Variants in MGMT observed in about 807,000 individuals in gnomAD.
MGMT encodes the protein methylated-DNA--protein-cysteine methyltransferase.
A neutral mutation model predicts 15.9 loss-of-function variants in MGMT; 14 were observed. The observed-to-expected ratio is 0.88, with a 90% CI of 0.58 to 1.37. The LOEUF is 1.37. Among genes scored for constraint, MGMT ranks in the 40% most tolerant of loss-of-function variants. The probability of loss-of-function intolerance (pLI) is 0.00; values close to 1 mark genes in which losing one functional copy is unlikely to be tolerated. For synonymous variants in MGMT, 130 were observed against 118.2 expected (o/e 1.10, Z -0.65); for missense variants, 282 against 268.1 (o/e 1.05, Z -0.36).
chr10:129,604,955 G>A (rs1317736477), intron 2 of MGMT, among the ~76,000 whole-genome samples: 1 of 152,156 alleles, frequency 6.6e-6, no homozygotes, highest in Admixed American at 6.5e-5. Context: ...ACCCTTAAAT[G>A]GGGGCCCCAC....
intron 2 of MGMT, among the ~76,000 whole-genome samples, chr10:129,576,090 G>A (rs893871505): frequency 3.3e-5 from 5 of 152,164 alleles, no homozygotes; most frequent in Admixed American, 2.0e-4. Context: ...ATTCGCAGCC[G>A]AATTCTACCA....
Position 129,759,223 on chromosome 10 carries a change from T to C in MGMT, c.296T>C (p.Leu99Ser), listed in dbSNP as rs747055327. 10 of 1,614,214 alleles carry C rather than the reference T, an allele frequency of 6.2e-6. No individual in the cohort carries two copies. The South Asian group carries it at 1.1e-4, about 18-fold the overall frequency. ...TCAGAGTCGTTCACCAGACAGGTGT[T>C]ATGGAAGCTGCTGAAGGTTGTGAAA... ...FQQESFTRQVLWKLLKVVKFG... is the reference protein window; with the variant it reads ...FQQESFTRQVSWKLLKVVKFG... Residue 99 changes from leucine (L) to serine (S), a missense_variant, in exon 4 of 5, where the codon TTA (leucine) becomes TCA (serine). Coordinates refer to ENST00000651593, the MANE Select transcript of MGMT (RefSeq NM_002412.5).
At chr10:129,476,775 C>T (rs1249091435) in intron 1 of MGMT, among the ~76,000 whole-genome samples, 6 of 152,166 alleles carry the variant, frequency 3.9e-5, no homozygotes, top group Admixed American at 3.3e-4. Flanking sequence ...ACCCTCCCAA[C>T]TCAGGGTGTC....
At chr10:129,742,657 G>C (rs1277672878) in intron 3 of MGMT, among the ~76,000 whole-genome samples, 7 of 142,878 alleles carry the variant, frequency 4.9e-5, no homozygotes, top group African/African-American at 1.1e-4. Context: ...GCATTCAGCA[G>C]TGCCCCACGG....
intron 3 of MGMT, among the ~76,000 whole-genome samples, chr10:129,756,194 C>T (rs1287232086): frequency 1.3e-5 from 2 of 152,114 alleles, no homozygotes. Context: ...CTGCCCAAGC[C>T]GAAATGAAAA....
At chr10:129,633,741 A>C (rs1847236370) in intron 2 of MGMT, among the ~76,000 whole-genome samples, 1 of 152,236 alleles carries the variant, frequency 6.6e-6, no homozygotes, top group Non-Finnish European at 1.5e-5. Context: ...ATATGCATAA[A>C]AGACAGTAAC....
At position 129,665,416 on chromosome 10, in the gene MGMT, C is replaced by T. The variant is rs528821072; in HGVS notation, c.126-42479C>T. 4.0e-5 allele frequency among the ~76,000 whole-genome samples: 6 copies of T among 151,690 alleles called. No individual in the cohort carries two copies. The South Asian group carries it at 1.0e-3, about 26-fold the overall frequency. On this transcript the variant is annotated intron_variant, in intron 2 of 4. Coordinates refer to ENST00000651593, the MANE Select transcript of MGMT (RefSeq NM_002412.5). Reference sequence around the variant, plus strand: ...GTAAGTAGATAAGCTGTAGTTCATCCCTACCATGCAGTTCAGATCAGCCCT... The same window carrying T: ...GTAAGTAGATAAGCTGTAGTTCATCTCTACCATGCAGTTCAGATCAGCCCT...
chr10:129,549,728 T>G (rs2119785709), intron 2 of MGMT, among the ~76,000 whole-genome samples: 1 of 152,334 alleles, frequency 6.6e-6, no homozygotes, highest in African/African-American at 2.4e-5. Flanking sequence ...ATGACTTTGG[T>G]GGTGAATTTA....
chr10:129,716,685 C>T (rs942805275), intron 3 of MGMT, among the ~76,000 whole-genome samples: 1 of 152,166 alleles, frequency 6.6e-6, no homozygotes, highest in South Asian at 2.1e-4. Context: ...CCCTGCTTTT[C>T]CCCAAGAATT....
chr10:129,512,907 C>T (rs1845699784), intron 1 of MGMT, among the ~76,000 whole-genome samples: 1 of 151,762 alleles, frequency 6.6e-6, no homozygotes, highest in African/African-American at 2.4e-5. Context: ...AAGGACATAC[C>T]CCCCAAAATT....
intron 1 of MGMT, among the ~76,000 whole-genome samples, chr10:129,535,807 C>T (rs1386019754): frequency 6.6e-6 from 1 of 152,226 alleles, no homozygotes; most frequent in African/African-American, 2.4e-5. Context: ...TGCATACATG[C>T]TTCATTCTAA....
chr10:129,505,519 T>G (rs1166168740), intron 1 of MGMT, among the ~76,000 whole-genome samples: 1 of 152,246 alleles, frequency 6.6e-6, no homozygotes, highest in Non-Finnish European at 1.5e-5. Context: ...GGAGCTCAGA[T>G]AGATACACGG....
At chr10:129,473,562 C>T (rs571840269) in intron 1 of MGMT, among the ~76,000 whole-genome samples, 1 of 152,260 alleles carries the variant, frequency 6.6e-6, no homozygotes, top group East Asian at 1.9e-4. Context: ...ATTTGATAAC[C>T]AAGTGCAGGC....
chr10:129,696,635 C>T (rs1169235642), intron 2 of MGMT, among the ~76,000 whole-genome samples: 2 of 152,212 alleles, frequency 1.3e-5, no homozygotes, highest in African/African-American at 2.4e-5. Context: ...GCACGTGCTC[C>T]GGAGGAGCCT....
At chr10:129,738,350 G>A (rs986119817) in intron 3 of MGMT, among the ~76,000 whole-genome samples, 1 of 152,214 alleles carries the variant, frequency 6.6e-6, no homozygotes, top group Non-Finnish European at 1.5e-5. Context: ...TCTTTGACTA[G>A]GAAAGGGAAC....
intron 3 of MGMT, 126 bp downstream of exon 3, chr10:129,708,169 C>A: frequency 7.6e-7 from 1 of 1,321,628 alleles, no homozygotes; most frequent in Non-Finnish European, 1.0e-6. Context: ...ACAGAGGCAG[C>A]GTTTGGCCGA....
chr10:129,511,264 C>T (rs1589842347), intron 1 of MGMT, among the ~76,000 whole-genome samples: 1 of 151,044 alleles, frequency 6.6e-6, no homozygotes, highest in Middle Eastern at 3.4e-3. Flanking sequence ...GACACAGGCA[C>T]ATTCTTCCTG....
chr10:129,652,035 A>G (rs1210956622), intron 2 of MGMT, among the ~76,000 whole-genome samples: 1 of 152,190 alleles, frequency 6.6e-6, no homozygotes, highest in Admixed American at 6.5e-5. Flanking sequence ...AGTGCCCGAG[A>G]GGAAAGGTTC....
chr10:129,526,420 C>A (rs966762062), intron 1 of MGMT, among the ~76,000 whole-genome samples: 1 of 151,998 alleles, frequency 6.6e-6, no homozygotes, highest in Non-Finnish European at 1.5e-5. Context: ...CCCAGGTGAG[C>A]CAATCTCCCC....
Sources: gnomAD v4.1 joint callset for allele counts (sites outside exome capture counted in the v4.1 genomes callset) on GRCh38, gnomAD v4.1.1 for gene constraint, MANE v1.5 for transcripts, NCBI Gene and HGNC (gene_info 2026-07-23, HGNC 2026-07-21) for gene names.